Variants in TRIM46 observed in about 807,000 individuals in gnomAD.
The protein encoded by TRIM46 is tripartite motif-containing protein 46.
TRIM46 carries 17 observed loss-of-function variants against 69.7 expected under a neutral mutation model. The observed-to-expected ratio is 0.24, with a 90% CI of 0.17 to 0.37. The LOEUF is 0.37. TRIM46 is among the 10% of genes least tolerant of loss of function. The pLI is 1.00. For missense variants in TRIM46, 675 were observed against 1,025.1 expected, an observed-to-expected ratio of 0.66 and a Z score of 4.66; for synonymous variants, 391 against 429.0, an observed-to-expected ratio of 0.91 and a Z score of 1.09.
At position 155,175,235 on chromosome 1, in the gene TRIM46, T is replaced by C; in HGVS notation, c.64-151T>C. On this transcript the variant is annotated intron_variant, in intron 1 of 9. Coordinates refer to ENST00000334634, the MANE Select transcript of TRIM46 (RefSeq NM_025058.5). This position sits in a 1 kb window ranked among gnomAD's most constrained non-coding sequence, Gnocchi z 4.2. ...AGGGACAGAGGTCTGGGAAGGTCTG[T>C]GAACCAGCCCAAGGCAGGTGCTCTG... The C allele has an allele frequency of 1.3e-6, 2 of 1,511,806 alleles. No individual in the cohort carries two copies. Among genetic ancestry groups the C allele is most frequent in the Non-Finnish European group, 1.8e-6 (2 of 1,140,948 alleles). The allele number at this position is 1,511,806 out of a possible 1,614,324, so 93.6% of individuals were successfully genotyped here. A position where few individuals can be genotyped will look rare whatever the true frequency, so the allele number is the denominator to read the frequency against.
At chr1:155,178,739 T>TGGGGGC in intron 7 of TRIM46, 126 bp downstream of exon 7, 4 of 1,348,460 alleles carry the variant, frequency 3.0e-6, no homozygotes, top group Non-Finnish European at 4.1e-6. Flanking sequence ...CAGCCATTCC[T>TGGGGGC]CCCACCCAGC....
chr1:155,182,382 A>T, intron 9 of TRIM46: 2 of 587,462 alleles, frequency 3.4e-6, no homozygotes, highest in Admixed American at 6.1e-5. Flanking sequence ...AGGGAAAGGG[A>T]TGATAGAAGA....
intron 7 of TRIM46, 126 bp downstream of exon 7, chr1:155,178,739 T>TGGGGGCCCC: frequency 1.5e-6 from 2 of 1,348,450 alleles, no homozygotes; most frequent in Non-Finnish European, 1.0e-6. Flanking sequence ...CAGCCATTCC[T>TGGGGGCCCC]CCCACCCAGC....
In TRIM46 at chr1:155,174,578, T is replaced by G. The variant is rs1243899110; in HGVS notation, c.63+549T>G. The G allele has an allele frequency of 2.0e-6, 3 of 1,518,986 alleles. No homozygotes were observed. The East Asian group carries it at 7.5e-5, about 38-fold the overall frequency. 94.1% of individuals were successfully genotyped at this position (1,518,986 alleles called of 1,614,324 possible). A position where few individuals can be genotyped will look rare whatever the true frequency, so the allele number is the denominator to read the frequency against. ...CCCCACCACTTCCTCCCCCCCTCCTTGTTCCTCCCTCCTTTGTGTCAGCTG... is the reference window on the plus strand; with the variant it reads ...CCCCACCACTTCCTCCCCCCCTCCTGGTTCCTCCCTCCTTTGTGTCAGCTG... On this transcript the variant is annotated intron_variant, in intron 1 of 9. Transcript: ENST00000334634.
rs201703663 is a variant in TRIM46, at chr1:155,178,034, G to T, written c.942G>T (p.Ser314=). ...GTCAGCAGGCCAAGGAGGAGGTGTC[G>T]CAGCTGGTGCGGGGGCTGGGGGCTG... ...VSGQQAKEEV[S]QLVRGLGAVL... The change falls in exon 6 of 10, where the codon TCG becomes TCT. Residue 314 remains serine (S), a synonymous_variant. Transcript: ENST00000334634. 1.2e-6 allele frequency: 2 copies of T among 1,613,420 alleles called. No homozygotes were observed. Among genetic ancestry groups the T allele is most frequent in the Non-Finnish European group, 1.7e-6 (2 of 1,179,968 alleles).
At position 155,174,772 on chromosome 1, in the gene TRIM46, C is replaced by T. The variant is rs781723768; in HGVS notation, c.64-614C>T. 8.9e-6 allele frequency: 13 copies of T among 1,462,186 alleles called. No homozygotes were observed. In the South Asian group the frequency reaches 1.6e-4, roughly 18 times the overall value. The allele number at this position is 1,462,186 out of a possible 1,614,324, so 90.6% of individuals were successfully genotyped here. A position where few individuals can be genotyped will look rare whatever the true frequency, so the allele number is the denominator to read the frequency against. On this transcript the variant is annotated intron_variant, in intron 1 of 9. Transcript: ENST00000334634. ...CCCCGCTAGTTCGGAGAAGGGGGTG[C>T]CGCTGACCGGGTTGCGCTGCGGGAG...
At chr1:155,174,566 T>C (rs1047644717) in intron 1 of TRIM46, 2 of 1,486,182 alleles carry the variant, frequency 1.3e-6, no homozygotes, top group Non-Finnish European at 1.8e-6. Context: ...CACCACTTCC[T>C]CCCCCCCTCC....
rs143612676 is a variant in TRIM46, at chr1:155,183,806, G to A, written c.1896G>A (p.Pro632=). ...ACACCCGCTTCTGCAGGTACGACCCGGACAGCGGGCACGACAGCGGTGCCG... is the reference window on the plus strand; with the variant it reads ...ACACCCGCTTCTGCAGGTACGACCCAGACAGCGGGCACGACAGCGGTGCCG... ...APDVISPRYD[P]DSGHDSGAED... The change falls in exon 10 of 10, where the codon CCG becomes CCA. Residue 632 remains proline, a synonymous_variant. Coordinates refer to ENST00000334634, the MANE Select transcript of TRIM46 (RefSeq NM_025058.5). The A allele has an allele frequency of 1.8e-4, 285 of 1,603,644 alleles. No homozygotes were observed. In the East Asian group the frequency reaches 2.4e-3, roughly 13 times the overall value.
chr1:155,176,817 G>C (rs748653370), intron 3 of TRIM46, 115 bp from the exon 4 acceptor site: 17 of 1,328,100 alleles, frequency 1.3e-5, no homozygotes, highest in Non-Finnish European at 1.7e-5. Context: ...CACCACCAGC[G>C]GATGTCTCCA....
chr1:155,182,167 G>C lies in TRIM46; in HGVS notation c.1886+18G>C, dbSNP rs779087901. The C allele has an allele frequency of 6.2e-7, 1 of 1,609,910 alleles. No individual in the cohort carries two copies. The highest frequency in any genetic ancestry group is 8.5e-7 in the Non-Finnish European group (1 of 1,176,944). On this transcript the variant is annotated intron_variant, in intron 9 of 9. Coordinates refer to ENST00000334634, the MANE Select transcript of TRIM46 (RefSeq NM_025058.5). ...AGCCCCAGGTCAGACCCCTCTGGAA[G>C]GGATGGGGTGTGGGGGTCCTGGTGG... is the stretch of plus-strand genomic sequence containing the variant.
chr1:155,183,685 C>T (rs1274975045), intron 9 of TRIM46, 112 bp from the exon 10 acceptor site: 2 of 1,415,744 alleles, frequency 1.4e-6, no homozygotes, highest in Admixed American at 1.9e-5. Context: ...ACCCAAAATC[C>T]ATCCCTTCAA....
chr1:155,183,651 C>T, intron 9 of TRIM46, 146 bp from the exon 10 acceptor site: 2 of 1,027,446 alleles, frequency 1.9e-6, no homozygotes, highest in South Asian at 1.6e-5. Flanking sequence ...CTAACCCCTG[C>T]CTCTTCAGCG....
Position 155,179,906 on chromosome 1 carries a change from T to G in TRIM46, c.1560T>G (p.Asp520Glu). The change falls in exon 8 of 10, where the codon GAT (aspartate) becomes GAG (glutamate). Residue 520 changes from aspartate to glutamate, a missense_variant. By Grantham distance (45) the Asp-to-Glu change is conservative. Coordinates refer to ENST00000334634, the MANE Select transcript of TRIM46 (RefSeq NM_025058.5). Reference sequence around the variant, plus strand: ...CCGGCTACGGCGAATACAGTGAAGATGTGCACCTGCACACGCCCCCGGCAC... The same window carrying G: ...CCGGCTACGGCGAATACAGTGAAGAGGTGCACCTGCACACGCCCCCGGCAC... The part of the protein sequence containing the change: ...NKAGYGEYSE[D>E]VHLHTPPAPV... 6.3e-7 allele frequency: 1 copy of G among 1,595,134 alleles called. No individual in the cohort carries two copies. Among genetic ancestry groups the G allele is most frequent in the Non-Finnish European group, 8.6e-7 (1 of 1,166,886 alleles).
chr1:155,176,843 T>C (rs892967925), intron 3 of TRIM46, 89 bp from the exon 4 acceptor site: 13 of 1,518,284 alleles, frequency 8.6e-6, no homozygotes, highest in Non-Finnish European at 1.1e-5. Context: ...ATCTTGCCAG[T>C]GGAGGAGGGC....
Position 155,181,446 on chromosome 1 carries a change from G to T in TRIM46, c.1589-406G>T, listed in dbSNP as rs1666168935. On this transcript the variant is annotated intron_variant, in intron 8 of 9. Transcript: ENST00000334634. The surrounding 1 kb of genome is among the most constrained non-coding windows in gnomAD (Gnocchi z 4.3). ...AGCCTTGCCACCCAAATAGGGGCTG[G>T]GTATAAGGGCCAGGTGTGAACCCAG... Among the ~76,000 whole-genome samples, 1 of 152,100 alleles carries T rather than the reference G, an allele frequency of 6.6e-6. No individual in the cohort carries two copies. The highest frequency in any genetic ancestry group is 1.5e-5 in the Non-Finnish European group (1 of 68,026).
chr1:155,184,458 A>T lies in TRIM46; in HGVS notation c.*268A>T, dbSNP rs573356926. On this transcript the variant is annotated 3_prime_UTR_variant, in exon 10 of 10. Transcript: ENST00000334634. The surrounding 1 kb of genome is among the most constrained non-coding windows in gnomAD (Gnocchi z 5.6). The stretch of plus-strand genomic sequence containing the variant: ...GTCTGCCCTATGACCTGCCTTTGGC[A>T]TGTTACCCAAGCCATGGAGAGAGCC... 24 of 460,798 alleles carry T rather than the reference A, an allele frequency of 5.2e-5. No homozygotes were observed. The South Asian group carries it at 6.8e-4, about 13-fold the overall frequency. The allele number at this position is 460,798 out of a possible 1,614,324, so 28.5% of individuals were successfully genotyped here.
intron 1 of TRIM46, chr1:155,174,735 G>A: frequency 1.4e-6 from 2 of 1,456,858 alleles, no homozygotes; most frequent in South Asian, 1.4e-5. Flanking sequence ...GAGTAGGCGG[G>A]GCTCTTGATT....
intron 3 of TRIM46, 132 bp from the exon 4 acceptor site, chr1:155,176,800 T>A (rs1665690553): frequency 6.0e-6 from 7 of 1,173,600 alleles, no homozygotes; most frequent in Non-Finnish European, 8.6e-6. Context: ...CAGGTGGCAC[T>A]GTGGAGCACC....
chr1:155,175,341 G>A lies in TRIM46; in HGVS notation c.64-45G>A. 1 of 1,609,168 alleles carries A rather than the reference G, an allele frequency of 6.2e-7. No homozygotes were observed. Among genetic ancestry groups the A allele is most frequent in the South Asian group, 1.1e-5 (1 of 90,636 alleles). ...GGCAGCCAAGGGGCTGCTGAGGTATGCCTAAGTGTCCAAGCGCTGACCTAG... is the reference window on the plus strand; with the variant it reads ...GGCAGCCAAGGGGCTGCTGAGGTATACCTAAGTGTCCAAGCGCTGACCTAG... On this transcript the variant is annotated intron_variant, in intron 1 of 9. Coordinates refer to ENST00000334634, the MANE Select transcript of TRIM46 (RefSeq NM_025058.5). The surrounding 1 kb of genome is among the most constrained non-coding windows in gnomAD (Gnocchi z 4.2).
Sources: gnomAD v4.1 joint callset for allele counts (sites outside exome capture counted in the v4.1 genomes callset) on GRCh38, gnomAD v4.1.1 for gene constraint, Gnocchi (gnomAD v3.1) non-coding constraint, MANE v1.5 for transcripts, NCBI Gene and HGNC (gene_info 2026-07-23, HGNC 2026-07-21) for gene names.